Variants in CRACD observed in about 807,000 individuals in gnomAD.
CRACD encodes capping protein-inhibiting regulator of actin dynamics.
In CRACD, 56 loss-of-function variants were observed where a neutral mutation model predicts 106.8. That is an observed-to-expected ratio of 0.52 (90% confidence interval 0.42 to 0.66). The LOEUF (loss-of-function observed/expected upper bound fraction) is 0.66, where lower values mean the gene tolerates loss of function less well. Ranked by LOEUF, CRACD falls within the 30% of genes least tolerant of loss-of-function variation. The pLI is 0.00. For missense variants in CRACD, 1,730 were observed against 1,623.2 expected, an observed-to-expected ratio of 1.07 and a Z score of -1.13; for synonymous variants, 754 against 670.8, an observed-to-expected ratio of 1.12 and a Z score of -1.92.
At chr4:56,077,156 G>A (rs1363782854) in intron 1 of CRACD, among the ~76,000 whole-genome samples, 1 of 152,180 alleles carries the variant, frequency 6.6e-6, no homozygotes, top group East Asian at 1.9e-4. Flanking sequence ...AGGTTTAATT[G>A]ACTCACAGTT....
chr4:56,091,567 G>A (rs552261856), intron 1 of CRACD, among the ~76,000 whole-genome samples: 18 of 152,174 alleles, frequency 1.2e-4, no homozygotes, highest in South Asian at 2.1e-4. Context: ...CATATTGAAA[G>A]CCTGCTATGT....
At chr4:56,260,800 G>A (rs1741649891) in intron 2 of CRACD, among the ~76,000 whole-genome samples, 1 of 152,118 alleles carries the variant, frequency 6.6e-6, no homozygotes. Context: ...TGTCAGACTT[G>A]CCTAGCCTGG....
At chr4:56,256,124 C>T (rs971893798) in intron 2 of CRACD, among the ~76,000 whole-genome samples, 1 of 152,204 alleles carries the variant, frequency 6.6e-6, no homozygotes, top group African/African-American at 2.4e-5. Flanking sequence ...GGCTATGTCC[C>T]TACCCAAATC....
chr4:56,317,584 C>T (rs900013913), intron 8 of CRACD, among the ~76,000 whole-genome samples: 1 of 152,136 alleles, frequency 6.6e-6, no homozygotes, highest in South Asian at 2.1e-4. Context: ...CTGGAGTGTC[C>T]CCTACCAGTG....
intron 3 of CRACD, among the ~76,000 whole-genome samples, chr4:56,293,539 A>AT (rs1056581495): frequency 6.6e-6 from 1 of 152,220 alleles, no homozygotes; most frequent in Non-Finnish European, 1.5e-5. Flanking sequence ...AAGAGGTTTA[A>AT]TTGGCCGTGA....
At chr4:56,109,991 C>T (rs922615942) in intron 1 of CRACD, among the ~76,000 whole-genome samples, 2 of 151,980 alleles carry the variant, frequency 1.3e-5, no homozygotes, top group Non-Finnish European at 2.9e-5. Flanking sequence ...GTCCATTGAA[C>T]GCTCAGCATA....
intron 6 of CRACD, among the ~76,000 whole-genome samples, chr4:56,312,468 A>C (rs1360595866): frequency 2.6e-5 from 4 of 152,184 alleles, no homozygotes; most frequent in Non-Finnish European, 5.9e-5. Flanking sequence ...CAGCCATACC[A>C]AAACATTTTT....
At position 56,315,773 on chromosome 4, in the gene CRACD, A is replaced by G. The variant is rs1160265438; in HGVS notation, c.2271A>G (p.Thr757=). ...KRPMLGPSEE[T]APQPPPAGVR... ...CCATGCTGGGACCCAGCGAAGAGACAGCCCCCCAGCCTCCTCCTGCTGGTG... is the reference window on the plus strand; with the variant it reads ...CCATGCTGGGACCCAGCGAAGAGACGGCCCCCCAGCCTCCTCCTGCTGGTG... Residue 757 remains threonine, a synonymous_variant, in exon 8 of 11, where the codon ACA becomes ACG. Coordinates refer to ENST00000682029, the MANE Select transcript of CRACD (RefSeq NM_001393381.1). This position sits in a 1 kb window ranked among gnomAD's most constrained non-coding sequence, Gnocchi z 4.1. 3.2e-5 allele frequency: 51 copies of G among 1,614,206 alleles called. No individual in the cohort carries two copies. Among genetic ancestry groups the G allele is most frequent in the Non-Finnish European group, 4.3e-5 (51 of 1,180,024 alleles).
At chr4:56,143,232 C>G (rs1735267424) in intron 1 of CRACD, among the ~76,000 whole-genome samples, 1 of 151,912 alleles carries the variant, frequency 6.6e-6, no homozygotes, top group South Asian at 2.1e-4. Flanking sequence ...CCTTTTCTAA[C>G]TTGTTAAAGT....
intron 1 of CRACD, among the ~76,000 whole-genome samples, chr4:56,086,876 T>A (rs1733238456): frequency 6.6e-6 from 1 of 152,186 alleles, no homozygotes; most frequent in Admixed American, 6.5e-5. Flanking sequence ...CAGGCACATC[T>A]GAGAAAGAAA....
At chr4:56,304,256 T>G (rs1744537007) in intron 4 of CRACD, among the ~76,000 whole-genome samples, 1 of 151,998 alleles carries the variant, frequency 6.6e-6, no homozygotes, top group African/African-American at 2.4e-5. Context: ...TTCCTAACAT[T>G]ACTCTTTTCA....
intron 2 of CRACD, among the ~76,000 whole-genome samples, chr4:56,217,790 G>C (rs1366706878): frequency 1.3e-5 from 2 of 152,224 alleles, no homozygotes; most frequent in Admixed American, 6.5e-5. Flanking sequence ...TAGTTTTTCA[G>C]ATTAACTTTG....
intron 1 of CRACD, among the ~76,000 whole-genome samples, chr4:56,080,850 C>G (rs140105956): frequency 3.9e-5 from 6 of 152,164 alleles, no homozygotes; most frequent in African/African-American, 1.4e-4. Flanking sequence ...GGCACCAGAC[C>G]GTTATTAACA....
intron 1 of CRACD, among the ~76,000 whole-genome samples, chr4:56,177,314 A>G (rs755259000): frequency 1.3e-5 from 2 of 152,186 alleles, no homozygotes; most frequent in Non-Finnish European, 2.9e-5. Flanking sequence ...GGAGGCATCT[A>G]TTGAAATCAT....
intron 8 of CRACD, among the ~76,000 whole-genome samples, chr4:56,318,366 ACCATTTCTCC>A (rs1745825740): frequency 6.6e-6 from 1 of 151,894 alleles, no homozygotes; most frequent in South Asian, 2.1e-4. Flanking sequence ...CAGTTTCTAG[ACCATTTCTCC>A]CTAATGATTT....
chr4:56,260,929 C>G (rs1466186179), intron 2 of CRACD, among the ~76,000 whole-genome samples: 1 of 152,102 alleles, frequency 6.6e-6, no homozygotes, highest in African/African-American at 2.4e-5. Flanking sequence ...ATCCGTCCAT[C>G]CATCCCTCTC....
Position 56,298,198 on chromosome 4 carries a change from A to G in CRACD, c.-16-16A>G, listed in dbSNP as rs1443423829. The G allele has an allele frequency of 1.9e-6, 3 of 1,607,080 alleles. No homozygotes were observed. The highest frequency in any genetic ancestry group is 2.2e-5 in the South Asian group (2 of 90,080). On this transcript the variant is annotated splice_polypyrimidine_tract_variant and intron_variant, in intron 3 of 10. Coordinates refer to ENST00000682029, the MANE Select transcript of CRACD (RefSeq NM_001393381.1). The stretch of plus-strand genomic sequence containing the variant: ...ATTTTATCCTAATAAAATGAAGCAC[A>G]TGATTTACCTTCCAGGTCCTTCAAC...
intron 2 of CRACD, among the ~76,000 whole-genome samples, chr4:56,243,475 C>T (rs537821387): frequency 8.5e-5 from 13 of 152,138 alleles, no homozygotes; most frequent in Non-Finnish European, 1.6e-4. Context: ...ATTTTGGAGC[C>T]TCTTTTTTGT....
At chr4:56,135,057 G>A (rs1734954690) in intron 1 of CRACD, among the ~76,000 whole-genome samples, 1 of 152,130 alleles carries the variant, frequency 6.6e-6, no homozygotes, top group Non-Finnish European at 1.5e-5. Context: ...CCCGAGGCGG[G>A]TGGATTACAA....
Sources: gnomAD v4.1 joint callset for allele counts (sites outside exome capture counted in the v4.1 genomes callset) on GRCh38, gnomAD v4.1.1 for gene constraint, Gnocchi (gnomAD v3.1) non-coding constraint, MANE v1.5 for transcripts, NCBI Gene and HGNC (gene_info 2026-07-23, HGNC 2026-07-21) for gene names.